The following CDH23 variants were observed in gnomAD, a reference collection of about 807,000 sequenced individuals.
The protein encoded by CDH23 is cadherin related 23.
In CDH23, 189 loss-of-function variants were observed where a neutral mutation model predicts 317.1. That is an observed-to-expected ratio of 0.60 (90% CI 0.53 to 0.67). The LOEUF is 0.67. Ranked by LOEUF, CDH23 falls within the 30% of genes least tolerant of loss-of-function variation. The pLI is 0.00. For missense variants in CDH23, 4,401 were observed against 4,592.4 expected (o/e 0.96, Z 1.20); for synonymous variants, 1,839 against 1,876.8 (o/e 0.98, Z 0.52).
intron 45 of CDH23, among the ~76,000 whole-genome samples, chr10:71,789,784 C>CTT (rs1369364575): frequency 6.6e-6 from 1 of 152,240 alleles, no homozygotes; most frequent in Admixed American, 6.5e-5. Context: ...CAGAGGCACA[C>CTT]GAGTGCACAA....
intron 14 of CDH23, among the ~76,000 whole-genome samples, chr10:71,659,864 C>T (rs1335271317): frequency 6.6e-6 from 1 of 151,944 alleles, no homozygotes; most frequent in African/African-American, 2.4e-5. Flanking sequence ...GTGTTCACTA[C>T]AGGGAGCAAA....
At chr10:71,637,960 G>T (rs546972137) in intron 11 of CDH23, among the ~76,000 whole-genome samples, 1 of 152,080 alleles carries the variant, frequency 6.6e-6, no homozygotes, top group South Asian at 2.1e-4. Flanking sequence ...TCCTCCAAGG[G>T]CACATTGTAG....
chr10:71,814,037 C>A (rs1406067072), intron 69 of CDH23, among the ~76,000 whole-genome samples: 2 of 152,244 alleles, frequency 1.3e-5, no homozygotes, highest in Non-Finnish European at 2.9e-5. Flanking sequence ...GGCCCATATT[C>A]TCAACAGGAA....
At chr10:71,810,142 G>C in intron 61 of CDH23, 66 bp downstream of exon 61, 1 of 1,573,906 alleles carries the variant, frequency 6.4e-7, no homozygotes, top group Non-Finnish European at 8.7e-7. Context: ...CAGGCCACAA[G>C]GAGAGACAGG....
At chr10:71,799,724 G>T (rs532822295) in intron 52 of CDH23, 95 bp downstream of exon 52, 2 of 1,549,304 alleles carry the variant, frequency 1.3e-6, no homozygotes, top group East Asian at 2.3e-5. Flanking sequence ...ATCCCTCTGG[G>T]TCTTGTCGCC....
Position 71,811,603 on chromosome 10 carries a change from C to T in CDH23, c.9278+13C>T, listed in dbSNP as rs778735989. On this transcript the variant is annotated intron_variant, in intron 64 of 69. Transcript: ENST00000224721. ...ACTACAGGACTGTGTGAGTGTCCCC[C>T]ACCCCTGCCATCAGGGGGCCGACCA... The T allele has an allele frequency of 6.2e-7, 1 of 1,613,888 alleles. No individual in the cohort carries two copies. The highest frequency in any genetic ancestry group is 8.5e-7 in the Non-Finnish European group (1 of 1,179,870).
chr10:71,675,928 CAG>C (rs1184964083), intron 15 of CDH23, among the ~76,000 whole-genome samples: 11 of 59,786 alleles, frequency 1.8e-4, no homozygotes, highest in Middle Eastern at 0.014. Flanking sequence ...TTTTTTGAAA[CAG>C]AGTCTCACTC....
intron 41 of CDH23, among the ~76,000 whole-genome samples, chr10:71,782,696 C>T (rs543461533): frequency 1.4e-4 from 21 of 152,348 alleles, no homozygotes; most frequent in African/African-American, 4.8e-4. Flanking sequence ...GGAAGGAGAG[C>T]AAGAGGCCCT....
intron 69 of CDH23, 135 bp downstream of exon 69, chr10:71,813,483 C>T: frequency 3.9e-6 from 3 of 771,222 alleles, no homozygotes; most frequent in Non-Finnish European, 6.5e-6. Flanking sequence ...TGGGTGGGGG[C>T]CAGGAAGTCA....
chr10:71,757,506 C>A (rs1270111142), intron 38 of CDH23: 1 of 152,432 alleles, frequency 6.6e-6, no homozygotes, highest in Non-Finnish European at 1.5e-5. Context: ...GCCACAGTTC[C>A]CCACCCCTTC....
At chr10:71,736,974 G>A (rs1839584077) in intron 34 of CDH23, among the ~76,000 whole-genome samples, 1 of 152,160 alleles carries the variant, frequency 6.6e-6, no homozygotes, top group East Asian at 1.9e-4. Context: ...AGAGCATTTC[G>A]GGCAGAGGGA....
intron 9 of CDH23, among the ~76,000 whole-genome samples, chr10:71,606,943 C>G (rs1335876324): frequency 6.6e-6 from 1 of 152,178 alleles, no homozygotes; most frequent in Non-Finnish European, 1.5e-5. Flanking sequence ...GGTCCCCTCT[C>G]CTGGTTGAAA....
At chr10:71,469,524 T>G (rs1368867574) in intron 3 of CDH23, among the ~76,000 whole-genome samples, 1 of 152,250 alleles carries the variant, frequency 6.6e-6, no homozygotes, top group Non-Finnish European at 1.5e-5. Context: ...ATATCACAAT[T>G]TCTCTTTTCA....
chr10:71,646,884 G>A (rs1862918899), intron 14 of CDH23: 1 of 1,431,334 alleles, frequency 7.0e-7, no homozygotes, highest in Non-Finnish European at 9.1e-7. Flanking sequence ...TTCCCCGAGA[G>A]AGACTCAGTG....
intron 7 of CDH23, among the ~76,000 whole-genome samples, chr10:71,570,134 T>C (rs1857685793): frequency 6.6e-6 from 1 of 152,044 alleles, no homozygotes; most frequent in South Asian, 2.1e-4. Flanking sequence ...GTGTGACCTC[T>C]CAGGAGTCTT....
chr10:71,677,414 AACC>A, intron 15 of CDH23, 39 bp from the exon 16 acceptor site: 1 of 1,517,228 alleles, frequency 6.6e-7, no homozygotes, highest in Non-Finnish European at 8.9e-7. Flanking sequence ...GCCTGTTTTA[AACC>A]ACGGTGTTCC....
intron 3 of CDH23, among the ~76,000 whole-genome samples, chr10:71,499,927 G>A (rs951102390): frequency 2.0e-5 from 3 of 147,768 alleles, no homozygotes; most frequent in Non-Finnish European, 4.4e-5. Flanking sequence ...TGAGGCAGGA[G>A]AATCGCTTGA....
At chr10:71,576,446 C>T (rs1334165408) in intron 8 of CDH23, among the ~76,000 whole-genome samples, 6 of 152,098 alleles carry the variant, frequency 3.9e-5, no homozygotes, top group Non-Finnish European at 5.9e-5. Context: ...GGGTAGCTTG[C>T]CCCACAAGAG....
At chr10:71,430,149 C>A (rs1849301232) in intron 1 of CDH23, among the ~76,000 whole-genome samples, 1 of 152,072 alleles carries the variant, frequency 6.6e-6, no homozygotes, top group Non-Finnish European at 1.5e-5. Flanking sequence ...ACATGCCAGG[C>A]CTGAGCTGGG....
Sources: allele counts gnomAD v4.1 joint callset (sites outside exome capture counted in the v4.1 genomes callset), GRCh38; gene constraint gnomAD v4.1.1; transcripts MANE v1.5; gene names NCBI Gene and HGNC (gene_info 2026-07-23, HGNC 2026-07-21).